Variants in BRF1 observed in about 807,000 individuals in gnomAD.
BRF1 encodes the protein BRF1 general transcription factor IIIB subunit.
In BRF1, 59 loss-of-function variants were observed where a neutral mutation model predicts 81.7. The observed-to-expected ratio is 0.72, with a 90% confidence interval of 0.59 to 0.90. The LOEUF is 0.90. Among genes scored for constraint, BRF1 ranks in the 40% least tolerant of loss-of-function variants. The pLI is 0.00. For missense variants in BRF1, 1,050 were observed against 936.3 expected, an observed-to-expected ratio of 1.12 and a Z score of -1.58; for synonymous variants, 491 against 395.6, an observed-to-expected ratio of 1.24 and a Z score of -2.86.
At chr14:105,256,486 G>A (rs373133511) in intron 4 of BRF1, 32 bp downstream of exon 4, 93 of 1,614,036 alleles carry the variant, frequency 5.8e-5, no homozygotes, top group Non-Finnish European at 7.5e-5. Flanking sequence ...ACAACCCCAG[G>A]TGGGGAAAGA....
intron 1 of BRF1, among the ~76,000 whole-genome samples, chr14:105,296,604 C>G (rs2057755503): frequency 6.6e-6 from 1 of 150,592 alleles, no homozygotes; most frequent in African/African-American, 2.4e-5. Flanking sequence ...TCTCTTGAAC[C>G]TGGGAGGCGG....
intron 3 of BRF1, among the ~76,000 whole-genome samples, chr14:105,272,399 G>A (rs893146280): frequency 5.3e-5 from 8 of 152,220 alleles, no homozygotes; most frequent in Admixed American, 4.6e-4. Context: ...CACAGGGGAC[G>A]TGGAGACAGC....
intron 5 of BRF1, among the ~76,000 whole-genome samples, chr14:105,243,239 G>A (rs931415535): frequency 2.0e-5 from 3 of 149,582 alleles, no homozygotes; most frequent in South Asian, 2.1e-4. Flanking sequence ...TTAGGAGTTC[G>A]AGACCACCCT....
intron 15 of BRF1, 23 bp from the exon 16 acceptor site, chr14:105,212,187 G>A (rs1156323855): frequency 1.2e-6 from 2 of 1,607,478 alleles, no homozygotes; most frequent in Non-Finnish European, 8.5e-7. Context: ...GCACAGCATG[G>A]CGGCCTCAGC....
At chr14:105,307,413 A>G (rs2058222207) in intron 1 of BRF1, among the ~76,000 whole-genome samples, 1 of 152,132 alleles carries the variant, frequency 6.6e-6, no homozygotes, top group African/African-American at 2.4e-5. Flanking sequence ...CCTTGCCTGG[A>G]AAATGGCAAT....
chr14:105,240,974 G>T (rs587608152), intron 6 of BRF1, among the ~76,000 whole-genome samples: 2 of 152,332 alleles, frequency 1.3e-5, no homozygotes, highest in Admixed American at 1.3e-4. Context: ...GAGACCACGG[G>T]CAGGGATGCC....
upstream of BRF1, among the ~76,000 whole-genome samples, chr14:105,303,085 C>T (rs1390641161): frequency 1.3e-5 from 2 of 152,096 alleles, no homozygotes; most frequent in African/African-American, 2.4e-5. Context: ...TGTGCCACCA[C>T]GCCCAGCTAA....
chr14:105,304,360 C>T (rs587700119), upstream of BRF1, among the ~76,000 whole-genome samples: 12 of 152,046 alleles, frequency 7.9e-5, no homozygotes, highest in South Asian at 1.0e-3. Context: ...TGATGGTGGG[C>T]GCCTGTAGTT....
rs1449967198 is a variant in BRF1, at chr14:105,217,417, T to C, written c.1772+127A>G. The C allele has an allele frequency of 5.6e-6, 8 of 1,430,570 alleles. No individual in the cohort carries two copies. In the Admixed American group the frequency reaches 1.3e-4, roughly 22 times the overall value. The allele number at this position is 1,430,570 out of a possible 1,614,324, so 88.6% of individuals were successfully genotyped here. A position where few individuals can be genotyped will look rare whatever the true frequency, so the allele number is the denominator to read the frequency against. On this transcript the variant is annotated intron_variant, in intron 15 of 17. Transcript: ENST00000547530. ...GGCCCACCAGTCCCCAGCATGCAGG[T>C]GGCAAATGCCACTCCAGGCACTTCT...
chr14:105,253,903 T>C (rs1566839898), intron 4 of BRF1, among the ~76,000 whole-genome samples: 1 of 152,244 alleles, frequency 6.6e-6, no homozygotes, highest in Non-Finnish European at 1.5e-5. Flanking sequence ...GTAGTGTGTG[T>C]GTGCATCCGC....
chr14:105,226,822 G>C (rs1404358303), intron 7 of BRF1, 62 bp from the exon 8 acceptor site: 5 of 1,608,646 alleles, frequency 3.1e-6, no homozygotes, highest in East Asian at 4.5e-5. Flanking sequence ...GTTTAAAACT[G>C]AGCTTTCGCC....
chr14:105,298,640 A>G (rs951764967), intron 1 of BRF1, among the ~76,000 whole-genome samples: 13 of 151,160 alleles, frequency 8.6e-5, no homozygotes, highest in Non-Finnish European at 1.8e-4. Flanking sequence ...GGATCACTTG[A>G]GGTCAGGTGT....
At chr14:105,241,803 A>C in intron 5 of BRF1, 1 of 230,220 alleles carries the variant, frequency 4.3e-6, no homozygotes. Context: ...CTGGGTACAC[A>C]AGTCGCCAGC....
intron 12 of BRF1, 141 bp downstream of exon 12, chr14:105,219,928 A>C: frequency 1.1e-6 from 1 of 869,588 alleles, no homozygotes; most frequent in Non-Finnish European, 1.8e-6. Context: ...AACAGTGGCC[A>C]GAAGGCCAGG....
At position 105,217,615 on chromosome 14, in the gene BRF1, G is replaced by C; in HGVS notation, c.1701C>G (p.Ala567=). 1 of 1,613,422 alleles carries C rather than the reference G, an allele frequency of 6.2e-7. No homozygotes were observed. The highest frequency in any genetic ancestry group is 8.5e-7 in the Non-Finnish European group (1 of 1,180,016). The change falls in exon 15 of 18, where the codon GCC becomes GCG. Residue 567 remains alanine, a synonymous_variant. Coordinates refer to ENST00000547530, the MANE Select transcript of BRF1 (RefSeq NM_001519.4). ...GCGTCCTCCTTCGTGACAGCTTCCTGGCACTGGCGCTATGCTCGGGCTGTG... is the reference window on the plus strand; with the variant it reads ...GCGTCCTCCTTCGTGACAGCTTCCTCGCACTGGCGCTATGCTCGGGCTGTG... ...EDAQPEHSAS[A]RKLSRRRTPA... is the part of the protein sequence containing the mutation.
At chr14:105,254,595 CTT>C (rs1213068876) in intron 4 of BRF1, among the ~76,000 whole-genome samples, 2 of 147,218 alleles carry the variant, frequency 1.4e-5, no homozygotes, top group African/African-American at 5.1e-5. Flanking sequence ...GAGTTTCACT[CTT>C]GTTGCCCAGG....
chr14:105,260,959 G>A (rs2056122731), intron 3 of BRF1, among the ~76,000 whole-genome samples: 1 of 152,222 alleles, frequency 6.6e-6, no homozygotes, highest in African/African-American at 2.4e-5. Context: ...CAGCTAATGA[G>A]CTCCCAGGGC....
At chr14:105,250,387 C>A in intron 5 of BRF1, 1 of 1,613,864 alleles carries the variant, frequency 6.2e-7, no homozygotes, top group Middle Eastern at 1.6e-4. Flanking sequence ...AGATTGAGCT[C>A]AAGCGGCTCG....
chr14:105,303,727 C>T (rs587713469), upstream of BRF1, among the ~76,000 whole-genome samples: 14 of 152,282 alleles, frequency 9.2e-5, no homozygotes, highest in South Asian at 1.4e-3. Context: ...AATTTCCTCC[C>T]GGATCCAAGG....
Sources: allele counts gnomAD v4.1 joint callset (sites outside exome capture counted in the v4.1 genomes callset), GRCh38; gene constraint gnomAD v4.1.1; transcripts MANE v1.5; gene names NCBI Gene and HGNC (gene_info 2026-07-23, HGNC 2026-07-21).